The following SLC49A4 variants were observed in gnomAD, a reference collection of about 807,000 sequenced individuals.
The protein encoded by SLC49A4 is solute carrier family 49 member 4.
SLC49A4 carries 36 observed loss-of-function variants against 50.6 expected under a neutral mutation model. That is an observed-to-expected ratio of 0.71 (90% CI 0.55 to 0.94). The LOEUF (loss-of-function observed/expected upper bound fraction) is 0.94. Among genes scored for constraint, SLC49A4 ranks in the 40% least tolerant of loss-of-function variants. The probability of loss-of-function intolerance (pLI) is 0.00; values close to 1 mark genes in which losing one functional copy is unlikely to be tolerated. For missense variants in SLC49A4, 503 were observed against 605.7 expected (o/e 0.83, Z 1.78); for synonymous variants, 248 against 241.2 (o/e 1.03, Z -0.26).
intron 7 of SLC49A4, among the ~76,000 whole-genome samples, chr3:122,860,715 A>G (rs1937049654): frequency 6.6e-6 from 1 of 152,228 alleles, no homozygotes; most frequent in African/African-American, 2.4e-5. Context: ...TGGACCTGAA[A>G]CATTTTTAGT....
intron 2 of SLC49A4, among the ~76,000 whole-genome samples, chr3:122,808,566 C>T (rs796946678): frequency 1.8e-4 from 28 of 152,206 alleles, no homozygotes; most frequent in East Asian, 5.8e-4. Context: ...GAGGTCAGAG[C>T]GGTTACAGAG....
At chr3:122,812,014 G>A (rs912614676) in intron 2 of SLC49A4, among the ~76,000 whole-genome samples, 1 of 151,860 alleles carries the variant, frequency 6.6e-6, no homozygotes, top group Non-Finnish European at 1.5e-5. Flanking sequence ...GGAGTGTGGT[G>A]GTGTGATCAT....
At chr3:122,796,697 A>AT (rs766439422) in intron 1 of SLC49A4, among the ~76,000 whole-genome samples, 7 of 152,278 alleles carry the variant, frequency 4.6e-5, no homozygotes, top group Non-Finnish European at 1.0e-4. Context: ...GCACCTTCTT[A>AT]TTCCATCATT....
chr3:122,873,812 C>T (rs1016085551), intron 8 of SLC49A4, among the ~76,000 whole-genome samples: 2 of 152,194 alleles, frequency 1.3e-5, no homozygotes, highest in Non-Finnish European at 2.9e-5. Flanking sequence ...TTCTCAACAA[C>T]GAAGTCTGAC....
At chr3:122,861,181 G>A (rs150932017) in intron 7 of SLC49A4, among the ~76,000 whole-genome samples, 10 of 152,208 alleles carry the variant, frequency 6.6e-5, no homozygotes, top group Admixed American at 2.0e-4. Flanking sequence ...CAGCTGATTA[G>A]CAACCTTAGT....
intron 2 of SLC49A4, among the ~76,000 whole-genome samples, chr3:122,811,670 C>T (rs1936302266): frequency 6.6e-6 from 1 of 152,146 alleles, no homozygotes; most frequent in Admixed American, 6.5e-5. Context: ...ACCCAGATGC[C>T]TTCAGCAGAG....
intron 7 of SLC49A4, among the ~76,000 whole-genome samples, chr3:122,861,569 A>G (rs149696957): frequency 1.1e-4 from 16 of 152,350 alleles, no homozygotes; most frequent in African/African-American, 3.6e-4. Flanking sequence ...GCCCAGTGGC[A>G]TGTATGTTCC....
chr3:122,811,607 A>G (rs1001306286), intron 2 of SLC49A4, among the ~76,000 whole-genome samples: 1 of 152,232 alleles, frequency 6.6e-6, no homozygotes, highest in Non-Finnish European at 1.5e-5. Context: ...GTCAGTTTGC[A>G]AGAATTACCA....
chr3:122,858,357 C>T (rs1050826446), intron 6 of SLC49A4, among the ~76,000 whole-genome samples: 6 of 152,148 alleles, frequency 3.9e-5, no homozygotes, highest in Admixed American at 3.9e-4. Flanking sequence ...CTGTATCTGA[C>T]AAATAAGTTT....
At chr3:122,813,867 C>A (rs573361633) in intron 2 of SLC49A4, among the ~76,000 whole-genome samples, 185 of 152,174 alleles carry the variant, frequency 1.2e-3, no homozygotes, top group African/African-American at 4.2e-3. Flanking sequence ...AAAAATGAAT[C>A]CTTACTTTGC....
At chr3:122,864,726 A>G in intron 7 of SLC49A4, among the ~76,000 whole-genome samples, 1 of 152,216 alleles carries the variant, frequency 6.6e-6, no homozygotes, top group East Asian at 1.9e-4. Flanking sequence ...ATTGAAAGGC[A>G]TGCAACAGCT....
chr3:122,799,477 G>A (rs921243516), intron 1 of SLC49A4, among the ~76,000 whole-genome samples: 3 of 152,202 alleles, frequency 2.0e-5, no homozygotes, highest in African/African-American at 7.2e-5. Context: ...TGTGACTGGA[G>A]TAGAGCCACT....
At chr3:122,850,811 T>A (rs928031401) in intron 5 of SLC49A4, among the ~76,000 whole-genome samples, 1 of 152,222 alleles carries the variant, frequency 6.6e-6, no homozygotes, top group Non-Finnish European at 1.5e-5. Context: ...AATTGGAGTA[T>A]TTAGTGCATT....
In SLC49A4 at chr3:122,804,177, G is replaced by A. The variant is rs1361482411; in HGVS notation, c.344-2680G>A. On this transcript the variant is annotated intron_variant, in intron 1 of 8. Transcript: ENST00000261038. ...ACAATCATAACAGAAGGTGAAGGGGGAGCAGCCACATCACTTGGTGAAAGC... is the reference window on the plus strand; with the variant it reads ...ACAATCATAACAGAAGGTGAAGGGGAAGCAGCCACATCACTTGGTGAAAGC... 2.0e-5 allele frequency among the ~76,000 whole-genome samples: 3 copies of A among 152,324 alleles called. No individual in the cohort carries two copies. The East Asian group carries it at 5.8e-4, about 29-fold the overall frequency.
At chr3:122,824,661 C>T (rs1197833185) in intron 2 of SLC49A4, among the ~76,000 whole-genome samples, 13 of 146,224 alleles carry the variant, frequency 8.9e-5, no homozygotes, top group African/African-American at 2.3e-4. Context: ...CCCTCCCTCT[C>T]GTCTTTCCTT....
Position 122,827,046 on chromosome 3 carries a change from A to G in SLC49A4, c.684A>G (p.Ile228Met), listed in dbSNP as rs1187382990. 9 of 1,612,312 alleles carry G rather than the reference A, an allele frequency of 5.6e-6. No individual in the cohort carries two copies. Among genetic ancestry groups the G allele is most frequent in the Non-Finnish European group, 7.6e-6 (9 of 1,178,454 alleles). ...ESSRAHIKDR[I>M]EAVLYAEFGV... ...GCAGGGCGCATATTAAAGATCGCATAGAGGCTGTGTTATATGCAGGTAATT... is the reference window on the plus strand; with the variant it reads ...GCAGGGCGCATATTAAAGATCGCATGGAGGCTGTGTTATATGCAGGTAATT... The change falls in exon 3 of 9, where the codon ATA becomes ATG. Residue 228 changes from isoleucine to methionine, a missense_variant. Ile to Met is a conservative substitution (Grantham distance 10, BLOSUM62 1). Coordinates refer to ENST00000261038, the MANE Select transcript of SLC49A4 (RefSeq NM_032839.3).
intron 8 of SLC49A4, among the ~76,000 whole-genome samples, chr3:122,875,002 TC>T (rs2107585283): frequency 6.6e-6 from 1 of 152,312 alleles, no homozygotes; most frequent in South Asian, 2.1e-4. Context: ...ATCGTCCACA[TC>T]TCTCTAGGGC....
At chr3:122,868,785 T>C (rs936046499) in intron 7 of SLC49A4, among the ~76,000 whole-genome samples, 2 of 152,244 alleles carry the variant, frequency 1.3e-5, no homozygotes, top group Non-Finnish European at 2.9e-5. Flanking sequence ...AGAAACCTCT[T>C]GGTCATCACT....
At chr3:122,805,048 C>G (rs1936194938) in intron 1 of SLC49A4, among the ~76,000 whole-genome samples, 1 of 151,866 alleles carries the variant, frequency 6.6e-6, no homozygotes, top group Non-Finnish European at 1.5e-5. Flanking sequence ...TGGTCCCCAA[C>G]CTATAAAAAT....
Sources: gnomAD v4.1 joint callset for allele counts (sites outside exome capture counted in the v4.1 genomes callset) on GRCh38, gnomAD v4.1.1 for gene constraint, MANE v1.5 for transcripts, NCBI Gene and HGNC (gene_info 2026-07-23, HGNC 2026-07-21) for gene names.